GLDC: variants seen among roughly 807,000 people sequenced by gnomAD.
The protein encoded by GLDC is glycine decarboxylase, also known as glycine dehydrogenase (decarboxylating), mitochondrial.
In GLDC, 104 loss-of-function variants were observed where a neutral mutation model predicts 121.3. The ratio of observed to expected loss-of-function variants is 0.86; its 90% CI spans 0.73 to 1.01. GLDC has a LOEUF of 1.01. Among genes scored for constraint, GLDC ranks in the 50% least tolerant of loss-of-function variants. The pLI, the probability that GLDC is intolerant of heterozygous loss-of-function variation, is 0.00. For missense variants in GLDC, 1,429 were observed against 1,306.6 expected (o/e 1.09, Z -1.44); for synonymous variants, 546 against 480.6 (o/e 1.14, Z -1.78).
chr9:6,539,929 A>G, intron 22 of GLDC, 122 bp downstream of exon 22: 1 of 771,460 alleles, frequency 1.3e-6, no homozygotes, highest in South Asian at 1.4e-5. Flanking sequence ...GTTGCCAAGA[A>G]CCCTGAGCTC....
rs938334747 is a variant in GLDC, at chr9:6,570,270, T to C, written c.1851-4841A>G. Among the ~76,000 whole-genome samples, 6 of 152,328 alleles carry C rather than the reference T, an allele frequency of 3.9e-5. No homozygotes were observed. In the East Asian group the frequency reaches 5.8e-4, roughly 15 times the overall value. The stretch of plus-strand genomic sequence containing the variant: ...TTGTATTTTTATACAAGTCAAAAGA[T>C]GTTAAAAATGTGCCATAAGAAAAGA... On this transcript the variant is annotated intron_variant, in intron 15 of 24. Transcript: ENST00000321612.
chr9:6,571,988 T>TA (rs1448947750), intron 15 of GLDC, among the ~76,000 whole-genome samples: 3 of 152,190 alleles, frequency 2.0e-5, no homozygotes, highest in Non-Finnish European at 4.4e-5. Flanking sequence ...CTGAAACACT[T>TA]AGACATCCAT....
At chr9:6,565,830 T>C (rs1318166289) in intron 15 of GLDC, 5 of 405,108 alleles carry the variant, frequency 1.2e-5, no homozygotes, top group South Asian at 7.0e-5. Context: ...TTGTTTCCTA[T>C]TATATTTCTC....
intron 4 of GLDC, among the ~76,000 whole-genome samples, chr9:6,607,543 C>G (rs1017684165): frequency 1.3e-5 from 2 of 152,156 alleles, no homozygotes; most frequent in Admixed American, 1.3e-4. Context: ...GATCGCCTCA[C>G]TGCACTCCAG....
At chr9:6,561,387 G>A (rs919488577) in intron 16 of GLDC, among the ~76,000 whole-genome samples, 2 of 152,192 alleles carry the variant, frequency 1.3e-5, no homozygotes. Context: ...GGTTGCTCAT[G>A]TCTGTAATCC....
In GLDC at chr9:6,552,217, G is replaced by T. The variant is rs181819566; in HGVS notation, c.2457+1151C>A. 3.9e-5 allele frequency among the ~76,000 whole-genome samples: 6 copies of T among 152,280 alleles called. No homozygotes were observed. In the East Asian group the frequency reaches 9.6e-4, roughly 24 times the overall value. On this transcript the variant is annotated intron_variant, in intron 20 of 24. Transcript: ENST00000321612. Reference sequence around the variant, plus strand: ...AGAAGGCCCAAGGCCAGAGGGGGCAGCTTAAACCCTACTTTATTTATTTAG... The same window carrying T: ...AGAAGGCCCAAGGCCAGAGGGGGCATCTTAAACCCTACTTTATTTATTTAG...
intron 1 of GLDC, 24 bp from the exon 2 acceptor site, chr9:6,644,716 G>C: frequency 6.5e-7 from 1 of 1,533,166 alleles, no homozygotes; most frequent in Non-Finnish European, 9.0e-7. Context: ...GCAAGGCAGA[G>C]GAAAGTGCCT....
chr9:6,558,705 A>G (rs772159246), intron 16 of GLDC, 21 bp from the exon 17 acceptor site: 2 of 1,614,128 alleles, frequency 1.2e-6, no homozygotes, highest in African/African-American at 1.3e-5. Flanking sequence ...GAAAGGAAGC[A>G]AAGAAAGAGC....
intron 8 of GLDC, among the ~76,000 whole-genome samples, chr9:6,596,179 G>T (rs1373673728): frequency 6.6e-6 from 1 of 152,160 alleles, no homozygotes; most frequent in East Asian, 1.9e-4. Context: ...TGTGTTGCTG[G>T]AAACAGAAAC....
intron 18 of GLDC, 200 bp from the exon 19 acceptor site, chr9:6,554,981 T>C (rs926215065): frequency 1.4e-5 from 9 of 630,632 alleles, no homozygotes; most frequent in African/African-American, 3.7e-5. Context: ...AGAGTGCTTG[T>C]GGTTGCTATG....
chr9:6,585,446 A>G (rs1818249710), intron 15 of GLDC, among the ~76,000 whole-genome samples: 1 of 152,250 alleles, frequency 6.6e-6, no homozygotes, highest in African/African-American at 2.4e-5. Flanking sequence ...AAGAAGGTAT[A>G]CTAAAGCTTG....
At chr9:6,585,859 T>G (rs1305446186) in intron 15 of GLDC, among the ~76,000 whole-genome samples, 1 of 113,952 alleles carries the variant, frequency 8.8e-6, no homozygotes, top group African/African-American at 3.5e-5. Flanking sequence ...TATGTATGTA[T>G]GTATGTATGT....
In GLDC at chr9:6,605,248, T is replaced by C. The variant is rs747233091; in HGVS notation, c.744A>G (p.Leu248=). ...TTCCACTGAAGTCCATTTCACAGGGTAACTTCAGCTCAGTGAGGACTCCAG... is the reference window on the plus strand; with the variant it reads ...TTCCACTGAAGTCCATTTCACAGGGCAACTTCAGCTCAGTGAGGACTCCAG... ...KYTGVLTELK[L]PCEMDFSGKD... The change falls in exon 6 of 25, where the codon TTA becomes TTG. Residue 248 remains leucine (L), a synonymous_variant. Transcript: ENST00000321612. The C allele has an allele frequency of 6.2e-7, 1 of 1,613,756 alleles. No individual in the cohort carries two copies. Among genetic ancestry groups the C allele is most frequent in the East Asian group, 2.2e-5 (1 of 44,878 alleles).
intron 15 of GLDC, chr9:6,567,604 G>C (rs1817878312): frequency 6.6e-6 from 1 of 152,192 alleles, no homozygotes; most frequent in African/African-American, 2.4e-5. Flanking sequence ...CTGAAGGCAA[G>C]AATTTTGTCA....
chr9:6,565,892 C>T (rs1817845820), intron 15 of GLDC: 1 of 269,746 alleles, frequency 3.7e-6, no homozygotes, highest in Non-Finnish European at 7.1e-6. Flanking sequence ...TTCAAACATC[C>T]TATCATCAGT....
At chr9:6,637,917 C>T (rs1028778757) in intron 2 of GLDC, among the ~76,000 whole-genome samples, 3 of 150,776 alleles carry the variant, frequency 2.0e-5, no homozygotes, top group Non-Finnish European at 1.5e-5. Flanking sequence ...TTGAACTACT[C>T]GGCTCAAGCA....
chr9:6,634,505 G>C (rs966529554), intron 2 of GLDC, among the ~76,000 whole-genome samples: 1 of 151,536 alleles, frequency 6.6e-6, no homozygotes, highest in Non-Finnish European at 1.5e-5. Context: ...CTTGAGCCTA[G>C]GTGACATAAC....
At chr9:6,603,364 C>T (rs7873092) in intron 7 of GLDC, among the ~76,000 whole-genome samples, 1,891 of 152,050 alleles carry the variant, frequency 0.012, 28 homozygotes, top group African/African-American at 0.043. Flanking sequence ...ACCTGGTAAT[C>T]CGAGCATTTT....
chr9:6,563,656 T>C (rs1439731161), intron 16 of GLDC, among the ~76,000 whole-genome samples: 1 of 152,212 alleles, frequency 6.6e-6, no homozygotes, highest in African/African-American at 2.4e-5. Flanking sequence ...ATTATAGTTC[T>C]AAACTAATCA....
Sources: gnomAD v4.1 joint callset for allele counts (sites outside exome capture counted in the v4.1 genomes callset) on GRCh38, gnomAD v4.1.1 for gene constraint, MANE v1.5 for transcripts, NCBI Gene and HGNC (gene_info 2026-07-23, HGNC 2026-07-21) for gene names.